Variants in FBF1 observed in about 807,000 individuals in gnomAD.
FBF1 encodes the protein fas-binding factor 1.
FBF1 carries 119 observed loss-of-function variants against 147.2 expected under a neutral mutation model. The ratio of observed to expected loss-of-function variants is 0.81; its 90% CI spans 0.70 to 0.94. The LOEUF (loss-of-function observed/expected upper bound fraction) is 0.94. FBF1 is among the 40% of genes least tolerant of loss of function. The probability of loss-of-function intolerance (pLI) is 0.00; values close to 1 mark genes in which losing one functional copy is unlikely to be tolerated. For missense variants in FBF1, 1,449 were observed against 1,500.8 expected, an observed-to-expected ratio of 0.97 and a Z score of 0.57; for synonymous variants, 601 against 609.0, an observed-to-expected ratio of 0.99 and a Z score of 0.19.
Position 75,913,911 on chromosome 17 carries a change from G to A in FBF1, c.3129+2C>T. The A allele has an allele frequency of 1.3e-6, 2 of 1,546,876 alleles. No individual in the cohort carries two copies. Among genetic ancestry groups the A allele is most frequent in the Non-Finnish European group, 8.7e-7 (1 of 1,150,950 alleles). ...GGGCGCCATACACTCAGGGAGCCTTGCCTGGTGCATGTGCTGCTCCTGCTT... is the reference window on the plus strand; with the variant it reads ...GGGCGCCATACACTCAGGGAGCCTTACCTGGTGCATGTGCTGCTCCTGCTT... On this transcript the variant is annotated splice_donor_variant, in intron 27 of 29. Transcript: ENST00000636174. LOFTEE classifies it low-confidence loss of function (GC_TO_GT_DONOR).
rs1372446712 is a variant in FBF1 at position 75,910,973 on chromosome 17, G to T, written c.3364-167C>A. Among the ~76,000 whole-genome samples, 1 of 152,182 alleles carries T rather than the reference G, an allele frequency of 6.6e-6. No homozygotes were observed. Among genetic ancestry groups the T allele is most frequent in the Non-Finnish European group, 1.5e-5 (1 of 68,038 alleles). On this transcript the variant is annotated intron_variant, in intron 29 of 29. Transcript: ENST00000636174. The surrounding 1 kb of genome is among the most constrained non-coding windows in gnomAD (Gnocchi z 4.1). ...CCATGAAAGAGCCCAGGTATGGAGT[G>T]AGACAGACCACAGTCTCAATCCTGG...
intron 3 of FBF1, among the ~76,000 whole-genome samples, chr17:75,936,422 G>A (rs1438638282): frequency 6.6e-6 from 1 of 152,120 alleles, no homozygotes; most frequent in African/African-American, 2.4e-5. Context: ...AACCTGGGAG[G>A]CAGAGGTTGC....
intron 1 of FBF1, among the ~76,000 whole-genome samples, chr17:75,939,237 A>G (rs2065644507): frequency 6.9e-6 from 1 of 145,570 alleles, no homozygotes; most frequent in Non-Finnish European, 1.5e-5. Flanking sequence ...AGAAGGTTGC[A>G]GTGAGCCGAG....
At position 75,911,707 on chromosome 17, in the gene FBF1, C is replaced by T. The variant is rs527381491; in HGVS notation, c.3363+485G>A. 1.3e-3 allele frequency among the ~76,000 whole-genome samples: 202 copies of T among 152,076 alleles called. 1 individual carries two copies. Among genetic ancestry groups the T allele is most frequent in the Non-Finnish European group, 1.8e-3 (120 of 67,978 alleles). On this transcript the variant is annotated intron_variant, in intron 29 of 29. Transcript: ENST00000636174. ...CTATTTTTTTGTGGAGACGAGGTCT[C>T]ACTATGTTGCCCAAGCTGGCCACGA...
chr17:75,939,317 A>AAAAC (rs375216079), intron 1 of FBF1, among the ~76,000 whole-genome samples: 40 of 140,688 alleles, frequency 2.8e-4, no homozygotes, highest in African/African-American at 9.2e-4. Flanking sequence ...AAAAAAAAAA[A>AAAAC]CGTGCTCTGG....
In FBF1 at chr17:75,920,190, C is replaced by T. The variant is rs537903499; in HGVS notation, c.1831-83G>A. ...GCCCTGTGCCAACAGCCCTTCCTCC[C>T]TCCTGGGGAAGCTTCCAGCCACTCT... On this transcript the variant is annotated intron_variant, in intron 18 of 29. Transcript: ENST00000636174. 7.1e-5 allele frequency: 113 copies of T among 1,589,566 alleles called. No individual in the cohort carries two copies. The African/African-American group carries it at 1.3e-3, about 18-fold the overall frequency.
chr17:75,912,817 G>A (rs1270980046), intron 28 of FBF1, among the ~76,000 whole-genome samples: 1 of 152,202 alleles, frequency 6.6e-6, no homozygotes, highest in Non-Finnish European at 1.5e-5. Flanking sequence ...AAGGCGGGTG[G>A]ATCACCTGAG....
chr17:75,924,518 G>A (rs2065548549), intron 13 of FBF1, among the ~76,000 whole-genome samples: 1 of 152,126 alleles, frequency 6.6e-6, no homozygotes, highest in South Asian at 2.1e-4. Context: ...CTATTGCCCA[G>A]GCTGGAGTGC....
Position 75,918,537 on chromosome 17 carries a change from G to A in FBF1, c.2139-268C>T, listed in dbSNP as rs185606486. ...GTCACCCAGAGTCTCTCACTCTGTC[G>A]CCCAGGCTGGAGTTCAGTGGCATGA... On this transcript the variant is annotated intron_variant, in intron 20 of 29. Coordinates refer to ENST00000636174, the MANE Select transcript of FBF1 (RefSeq NM_001319193.2). This position sits in a 1 kb window ranked among gnomAD's most constrained non-coding sequence, Gnocchi z 5.8. Among the ~76,000 whole-genome samples the A allele has an allele frequency of 4.6e-5, 7 of 152,216 alleles. No homozygotes were observed. The highest frequency in any genetic ancestry group is 1.4e-4 in the African/African-American group (6 of 41,528).
rs2065451621 is a variant in FBF1 at position 75,910,674 on chromosome 17, A to ACAG, written c.*46_*48dup. 6.5e-7 allele frequency: 1 copy of ACAG among 1,533,204 alleles called. No individual in the cohort carries two copies. Among genetic ancestry groups the ACAG allele is most frequent in the Non-Finnish European group, 8.9e-7 (1 of 1,124,194 alleles). The allele number at this position is 1,533,204 out of a possible 1,614,324, so 95.0% of individuals were successfully genotyped here. A position where few individuals can be genotyped will look rare whatever the true frequency, so the allele number is the denominator to read the frequency against. On this transcript the variant is annotated 3_prime_UTR_variant, in exon 30 of 30. Coordinates refer to ENST00000636174, the MANE Select transcript of FBF1 (RefSeq NM_001319193.2). The surrounding 1 kb of genome is among the most constrained non-coding windows in gnomAD (Gnocchi z 4.1). The stretch of plus-strand genomic sequence containing the variant: ...CCATGGAGGCAGCCGGAGGAACAGG[A>ACAG]CAGTTCTGGGGTCCGAACCCTCTGT...
chr17:75,914,024 C>A lies in FBF1; in HGVS notation c.3018G>T (p.Gly1006=), dbSNP rs568266767. The A allele has an allele frequency of 1.3e-6, 2 of 1,587,044 alleles. No homozygotes were observed. Among genetic ancestry groups the A allele is most frequent in the Non-Finnish European group, 1.7e-6 (2 of 1,173,982 alleles). The change falls in exon 27 of 30, where the codon GGG becomes GGT. Residue 1006 remains glycine, a synonymous_variant. Transcript: ENST00000636174. ...SKVASEKYEE[G]ERALREAQQV... ...GCTGGGCCTCGCGCAATGCCCGCTCCCCCTCCTCGTACTTCTCGGAGGCCA... is the reference window on the plus strand; with the variant it reads ...GCTGGGCCTCGCGCAATGCCCGCTCACCCTCCTCGTACTTCTCGGAGGCCA...
At chr17:75,937,866 G>A (rs1319128610) in intron 2 of FBF1, 6 of 625,876 alleles carry the variant, frequency 9.6e-6, no homozygotes, top group Admixed American at 2.8e-5. Context: ...TCCCAGCCGA[G>A]ATGTCATGTG....
chr17:75,932,491 C>T (rs1411694024), intron 5 of FBF1, among the ~76,000 whole-genome samples: 2 of 152,112 alleles, frequency 1.3e-5, no homozygotes, highest in South Asian at 2.1e-4. Context: ...GTGACTCACA[C>T]CTGTAATCCC....
rs937870475 is a variant in FBF1, at chr17:75,923,911, A to T, written c.969-270T>A. 4.4e-4 allele frequency among the ~76,000 whole-genome samples: 67 copies of T among 152,214 alleles called. 1 individual carries two copies. Among genetic ancestry groups the T allele is most frequent in the Non-Finnish European group, 5.9e-5 (4 of 68,032 alleles). On this transcript the variant is annotated intron_variant, in intron 13 of 29. Coordinates refer to ENST00000636174, the MANE Select transcript of FBF1 (RefSeq NM_001319193.2). This position sits in a 1 kb window ranked among gnomAD's most constrained non-coding sequence, Gnocchi z 4.1. ...AGGATCAAATGACAGCCATGGGCACACAGGTCTAAAGAAAAATCAGGCCGA... is the reference window on the plus strand; with the variant it reads ...AGGATCAAATGACAGCCATGGGCACTCAGGTCTAAAGAAAAATCAGGCCGA...
In FBF1 at chr17:75,938,150, C is replaced by T. The variant is rs1288238250; in HGVS notation, c.-1G>A. 6.2e-7 allele frequency: 1 copy of T among 1,613,548 alleles called. No homozygotes were observed. Among genetic ancestry groups the T allele is most frequent in the Non-Finnish European group, 8.5e-7 (1 of 1,179,820 alleles). On this transcript the variant is annotated 5_prime_UTR_variant, in exon 2 of 30. Transcript: ENST00000636174. ...TCTTACTCTGAACTCTGCCTACCAT[C>T]TCACGGCTCTCGGGGGTGCTCTCAG...
In FBF1 at chr17:75,919,653, G is replaced by C. The variant is rs535688304; in HGVS notation, c.2138+15C>G. ...TTGCAAGCCTGCTCCCCAGCTGCCT[G>C]TCCCTGGGCCTCACCGCTGCAGCTC... is the stretch of plus-strand genomic sequence containing the variant. On this transcript the variant is annotated intron_variant, in intron 20 of 29. Transcript: ENST00000636174. The surrounding 1 kb of genome is among the most constrained non-coding windows in gnomAD (Gnocchi z 5.0). 2.5e-6 allele frequency: 4 copies of C among 1,583,362 alleles called. No individual in the cohort carries two copies. Among genetic ancestry groups the C allele is most frequent in the Non-Finnish European group, 3.4e-6 (4 of 1,167,168 alleles).
Position 75,931,276 on chromosome 17 carries a change from C to T in FBF1, c.181G>A (p.Asp61Asn), listed in dbSNP as rs2065592977. The T allele has an allele frequency of 6.3e-7, 1 of 1,583,904 alleles. No individual in the cohort carries two copies. Among genetic ancestry groups the T allele is most frequent in the Non-Finnish European group, 8.6e-7 (1 of 1,165,208 alleles). ...SKARTKSLLGDDVFSTMAGLE... is the reference protein window; with the variant it reads ...SKARTKSLLGNDVFSTMAGLE... The stretch of plus-strand genomic sequence containing the variant: ...CCTGCCATGGTGCTGAAGACATCAT[C>T]ACCCAGGAGGGACCTGCAAAGGGGA... The change falls in exon 6 of 30, where the codon GAT becomes AAT. Residue 61 changes from aspartate to asparagine, a missense_variant. Asp to Asn is a conservative substitution (Grantham distance 23). Coordinates refer to ENST00000636174, the MANE Select transcript of FBF1 (RefSeq NM_001319193.2).
intron 23 of FBF1, 123 bp from the exon 24 acceptor site, chr17:75,915,262 C>T: frequency 7.1e-7 from 1 of 1,400,068 alleles, no homozygotes; most frequent in Non-Finnish European, 9.4e-7. Context: ...CACGTCCTTC[C>T]CAAAGAGGCA....
intron 1 of FBF1, among the ~76,000 whole-genome samples, chr17:75,939,398 G>T (rs1325257708): frequency 1.3e-5 from 2 of 151,218 alleles, no homozygotes; most frequent in Non-Finnish European, 2.9e-5. Flanking sequence ...CCCTTACCCT[G>T]AAAGCCGATG....
Sources: allele counts gnomAD v4.1 joint callset (sites outside exome capture counted in the v4.1 genomes callset), GRCh38; gene constraint gnomAD v4.1.1; non-coding constraint Gnocchi (gnomAD v3.1); transcripts MANE v1.5; gene names NCBI Gene and HGNC (gene_info 2026-07-23, HGNC 2026-07-21).